Variants in MTERF3 observed in about 807,000 individuals in gnomAD.
MTERF3 encodes the protein transcription termination factor 3, mitochondrial.
MTERF3 carries 40 observed loss-of-function variants against 40.5 expected under a neutral mutation model. The ratio of observed to expected loss-of-function variants is 0.99; its 90% CI spans 0.77 to 1.29. The LOEUF is 1.29. Ranked by LOEUF, MTERF3 falls within the 50% of genes most tolerant of loss-of-function variation. MTERF3 has a pLI of 0.00. For synonymous variants in MTERF3, 158 were observed against 166.6 expected, an observed-to-expected ratio of 0.95 and a Z score of 0.40; for missense variants, 452 against 478.2, an observed-to-expected ratio of 0.95 and a Z score of 0.51.
chr8:96,255,475 C>T (rs935315137), intron 3 of MTERF3, among the ~76,000 whole-genome samples: 3 of 151,848 alleles, frequency 2.0e-5, no homozygotes, highest in Non-Finnish European at 4.4e-5. Context: ...CTCGTCTCTA[C>T]TAAAAATACA....
At chr8:96,249,310 T>C (rs1563547511) in intron 4 of MTERF3, among the ~76,000 whole-genome samples, 2 of 152,188 alleles carry the variant, frequency 1.3e-5, no homozygotes, top group Admixed American at 1.3e-4. Flanking sequence ...AAATGATCCC[T>C]ACCCTCCTGG....
At chr8:96,249,216 G>A (rs1439150440) in intron 4 of MTERF3, among the ~76,000 whole-genome samples, 1 of 152,122 alleles carries the variant, frequency 6.6e-6, no homozygotes, top group Non-Finnish European at 1.5e-5. Flanking sequence ...TTATACTAAC[G>A]GTGTGTAATC....
intron 4 of MTERF3, among the ~76,000 whole-genome samples, chr8:96,247,882 T>G (rs1432864449): frequency 6.6e-6 from 1 of 152,066 alleles, no homozygotes; most frequent in African/African-American, 2.4e-5. Context: ...AAAGAACGTT[T>G]ACCGAAAAAG....
chr8:96,253,932 C>T (rs1810235480), intron 3 of MTERF3, among the ~76,000 whole-genome samples: 2 of 151,988 alleles, frequency 1.3e-5, no homozygotes, highest in Admixed American at 1.3e-4. Flanking sequence ...CACTTGAGCC[C>T]AGGAGGTCAA....
chr8:96,251,728 ACTT>A (rs1435471072), intron 3 of MTERF3, among the ~76,000 whole-genome samples: 1 of 152,154 alleles, frequency 6.6e-6, no homozygotes, highest in Non-Finnish European at 1.5e-5. Context: ...CACATTTAAA[ACTT>A]CTTAATGGCA....
intron 3 of MTERF3, among the ~76,000 whole-genome samples, chr8:96,251,620 G>A (rs186509157): frequency 1.3e-4 from 20 of 152,166 alleles, no homozygotes; most frequent in Admixed American, 6.5e-4. Context: ...ACGGAGACAC[G>A]TCCCTTGAAG....
In MTERF3 at chr8:96,246,446, T is replaced by C. The variant is rs910675517; in HGVS notation, c.686A>G (p.Tyr229Cys). 2 of 1,608,030 alleles carry C rather than the reference T, an allele frequency of 1.2e-6. No individual in the cohort carries two copies. The highest frequency in any genetic ancestry group is 8.5e-7 in the Non-Finnish European group (1 of 1,178,264). The stretch of plus-strand genomic sequence containing the variant: ...TTTACTGAAATTTTTTGAATGCAGA[T>C]AAGCCACCCTAGAGAAACATAAATA... Reference protein sequence around the residue: ...DLENLKTRVAYLHSKNFSKAD... With the variant: ...DLENLKTRVACLHSKNFSKAD... The change falls in exon 5 of 8, where the codon TAT (tyrosine) becomes TGT (cysteine). Residue 229 changes from tyrosine (Y) to cysteine (C), a missense_variant. Coordinates refer to ENST00000287025, the MANE Select transcript of MTERF3 (RefSeq NM_015942.5).
At chr8:96,250,657 A>C (rs1484172826) in intron 4 of MTERF3, among the ~76,000 whole-genome samples, 2 of 29,172 alleles carry the variant, frequency 6.9e-5, no homozygotes, top group African/African-American at 1.3e-4. Flanking sequence ...GAAGAAGAAG[A>C]AGAAGAAGAA....
At chr8:96,245,969 G>A (rs776740582) in intron 5 of MTERF3, 38 bp from the exon 6 acceptor site, 19 of 1,563,124 alleles carry the variant, frequency 1.2e-5, no homozygotes, top group South Asian at 5.7e-5. Flanking sequence ...ATTACTATAC[G>A]TGCATCTTTA....
At chr8:96,245,778 T>C in intron 6 of MTERF3, 82 bp downstream of exon 6, 2 of 1,223,458 alleles carry the variant, frequency 1.6e-6, no homozygotes, top group Non-Finnish European at 2.3e-6. Flanking sequence ...TTCTTTTACA[T>C]GACAATAGCA....
At chr8:96,249,066 C>T (rs962346840) in intron 4 of MTERF3, among the ~76,000 whole-genome samples, 1 of 152,154 alleles carries the variant, frequency 6.6e-6, no homozygotes, top group Non-Finnish European at 1.5e-5. Flanking sequence ...GAATATTCCT[C>T]AATTGTTAGG....
chr8:96,246,704 G>T (rs1237965184), intron 4 of MTERF3, among the ~76,000 whole-genome samples: 1 of 152,040 alleles, frequency 6.6e-6, no homozygotes, highest in Non-Finnish European at 1.5e-5. Flanking sequence ...CCACTAATAG[G>T]TATTAGTTGC....
At chr8:96,259,892 TTTATTA>T (rs749355403) in intron 1 of MTERF3, among the ~76,000 whole-genome samples, 139 of 151,414 alleles carry the variant, frequency 9.2e-4, no homozygotes, top group African/African-American at 3.1e-3. Context: ...TCTGCAATTA[TTTATTA>T]TTATTATTAT....
At chr8:96,242,754 A>G (rs1236076428) in intron 7 of MTERF3, among the ~76,000 whole-genome samples, 1 of 152,184 alleles carries the variant, frequency 6.6e-6, no homozygotes, top group African/African-American at 2.4e-5. Flanking sequence ...CCATCATATA[A>G]AGCAATTCTA....
At position 96,245,925 on chromosome 8, in the gene MTERF3, C is replaced by G. The variant is rs779763855; in HGVS notation, c.832G>C (p.Asp278His). 43 of 1,613,704 alleles carry G rather than the reference C, an allele frequency of 2.7e-5. No homozygotes were observed. In the South Asian group the frequency reaches 4.6e-4, roughly 17 times the overall value. ...AGCCTTGGGAGACGAACTACCAGAT[C>G]TCTAGTCTGTGGTTGCAAACAAAAC... is the stretch of plus-strand genomic sequence containing the variant. ...ELELSVKKTR[D>H]LVVRLPRLLT... The change falls in exon 6 of 8, where the codon GAT becomes CAT. Residue 278 changes from aspartate (D) to histidine (H), a missense_variant. Asp to His is a moderately conservative substitution (Grantham distance 81). Coordinates refer to ENST00000287025, the MANE Select transcript of MTERF3 (RefSeq NM_015942.5).
intron 2 of MTERF3, among the ~76,000 whole-genome samples, chr8:96,257,870 C>A (rs931267585): frequency 1.3e-5 from 2 of 152,024 alleles, no homozygotes; most frequent in African/African-American, 4.8e-5. Flanking sequence ...TCATTACCAG[C>A]GAAATATTCC....
Position 96,245,937 on chromosome 8 carries a change from G to A in MTERF3, c.826-6C>T. 1.2e-6 allele frequency: 2 copies of A among 1,612,960 alleles called. No homozygotes were observed. The highest frequency in any genetic ancestry group is 1.7e-6 in the Non-Finnish European group (2 of 1,179,464). On this transcript the variant is annotated splice_polypyrimidine_tract_variant and splice_region_variant and intron_variant, in intron 5 of 7. Coordinates refer to ENST00000287025, the MANE Select transcript of MTERF3 (RefSeq NM_015942.5). ...CGAACTACCAGATCTCTAGTCTGTG[G>A]TTGCAAACAAAACAATCTAGTATTA...
intron 4 of MTERF3, among the ~76,000 whole-genome samples, chr8:96,250,684 G>GAAGAAGAAGA (rs1174594294): frequency 1.2e-3 from 16 of 13,538 alleles, no homozygotes; most frequent in Non-Finnish European, 2.8e-3. Context: ...GAAGAAGAAG[G>GAAGAAGAAGA]AGGAGGAGGA....
rs775383487 is a variant in MTERF3, at chr8:96,251,039, G to C, written c.544C>G (p.Leu182Val). The C allele has an allele frequency of 1.9e-6, 3 of 1,602,014 alleles. No homozygotes were observed. The South Asian group carries it at 3.4e-5, about 18-fold the overall frequency. The change falls in exon 4 of 8, where the codon CTG (leucine) becomes GTG (valine). Residue 182 changes from leucine to valine, a missense_variant. By Grantham distance (32) the Leu-to-Val change is conservative. Transcript: ENST00000287025. ...HPEAANLLLR[L>V]DFEKDIKQML... ...TGCTTAATGTCTTTTTCAAAATCCA[G>C]TCTCAGAAGGAGGTTTGCTGCTTCT... is the stretch of plus-strand genomic sequence containing the variant.
Sources: gnomAD v4.1 joint callset for allele counts (sites outside exome capture counted in the v4.1 genomes callset) on GRCh38, gnomAD v4.1.1 for gene constraint, MANE v1.5 for transcripts, NCBI Gene and HGNC (gene_info 2026-07-23, HGNC 2026-07-21) for gene names.